The following AMOTL1 variants were observed in gnomAD, a reference collection of about 807,000 sequenced individuals.
The protein encoded by AMOTL1 is angiomotin-like protein 1.
Under a neutral mutation model 102.9 loss-of-function variants are expected in AMOTL1, and 45 were observed. The ratio of observed to expected loss-of-function variants is 0.44; its 90% CI spans 0.34 to 0.56. The LOEUF (loss-of-function observed/expected upper bound fraction) is 0.56. AMOTL1 is among the 20% of genes least tolerant of loss of function. The probability of loss-of-function intolerance (pLI) is 0.01; values close to 1 mark genes in which losing one functional copy is unlikely to be tolerated. For missense variants in AMOTL1, 1,114 were observed against 1,225.6 expected, an observed-to-expected ratio of 0.91 and a Z score of 1.36; for synonymous variants, 481 against 484.7, an observed-to-expected ratio of 0.99 and a Z score of 0.10.
chr11:94,712,647 C>T (rs1950037293), intron 1 of AMOTL1, among the ~76,000 whole-genome samples: 1 of 151,598 alleles, frequency 6.6e-6, no homozygotes, highest in African/African-American at 2.4e-5. Flanking sequence ...ACACAAATAA[C>T]CCCACTATAT....
At chr11:94,796,943 GT>G (rs1355312862) in intron 2 of AMOTL1, 73 of 976,574 alleles carry the variant, frequency 7.5e-5, no homozygotes, top group Non-Finnish European at 8.4e-5. Context: ...CACCACCTTT[GT>G]TTTTTTCTCA....
intron 4 of AMOTL1, 100 bp from the exon 5 acceptor site, chr11:94,829,950 A>G: frequency 8.3e-7 from 1 of 1,201,656 alleles, no homozygotes; most frequent in South Asian, 1.7e-5. Context: ...GACTGCATTG[A>G]AGATACAGCC....
chr11:94,727,114 G>A (rs1478906523), intron 1 of AMOTL1, among the ~76,000 whole-genome samples: 1 of 152,214 alleles, frequency 6.6e-6, no homozygotes, highest in Admixed American at 6.5e-5. Flanking sequence ...CAAGAGAGAT[G>A]GGAATCTTCT....
At chr11:94,813,663 C>T (rs982042133) in intron 3 of AMOTL1, among the ~76,000 whole-genome samples, 7 of 152,148 alleles carry the variant, frequency 4.6e-5, no homozygotes, top group Admixed American at 2.6e-4. Context: ...CACTGAAGTG[C>T]GTGTGAATAT....
At chr11:94,865,413 C>G (rs2135737897) in intron 10 of AMOTL1, among the ~76,000 whole-genome samples, 1 of 152,246 alleles carries the variant, frequency 6.6e-6, no homozygotes, top group African/African-American at 2.4e-5. Context: ...GAAAATAGGG[C>G]TGAGTAGTTG....
Position 94,821,547 on chromosome 11 carries a change from C to T in AMOTL1, c.1139C>T (p.Pro380Leu), listed in dbSNP as rs200516726. 1,685 of 1,613,676 alleles carry T rather than the reference C, an allele frequency of 1.0e-3. 28 individuals are homozygous for T. The highest frequency in any genetic ancestry group is 9.8e-4 in the Admixed American group (59 of 59,998). The change falls in exon 4 of 13, where the codon CCG becomes CTG. Residue 380 changes from proline (P) to leucine (L), a missense_variant. By Grantham distance (98) the Pro-to-Leu change is moderately conservative. Transcript: ENST00000433060. ...CCTTGCAGCCGCCCATGCCAACTTC[C>T]GTTCCCATCAACCATGCAGCAGCAC... ...YGVTSRPCQL[P>L]FPSTMQQHSP...
At chr11:94,779,804 T>C (rs536093238) in intron 1 of AMOTL1, among the ~76,000 whole-genome samples, 1 of 152,312 alleles carries the variant, frequency 6.6e-6, no homozygotes, top group East Asian at 1.9e-4. Flanking sequence ...ATCTGTTGCA[T>C]AGGATACTAA....
chr11:94,802,111 C>A (rs186901992), intron 3 of AMOTL1, among the ~76,000 whole-genome samples: 20 of 152,278 alleles, frequency 1.3e-4, no homozygotes, highest in South Asian at 1.0e-3. Flanking sequence ...AGCAGCATAA[C>A]CAACTGTGAG....
upstream of AMOTL1, among the ~76,000 whole-genome samples, chr11:94,767,067 G>T (rs1336001903): frequency 6.6e-6 from 1 of 152,050 alleles, no homozygotes; most frequent in Non-Finnish European, 1.5e-5. Context: ...TGTAGTCAGT[G>T]CCTCTCTCCG....
chr11:94,809,978 GAAA>G (rs1465583292), intron 3 of AMOTL1, among the ~76,000 whole-genome samples: 8 of 152,168 alleles, frequency 5.3e-5, no homozygotes, highest in African/African-American at 1.9e-4. Flanking sequence ...TAGACACATA[GAAA>G]TAGATCTTAT....
chr11:94,780,612 G>T (rs569540023), intron 1 of AMOTL1, among the ~76,000 whole-genome samples: 2 of 152,136 alleles, frequency 1.3e-5, no homozygotes, highest in East Asian at 3.8e-4. Context: ...TGAACTTTAC[G>T]GGGGTGATTC....
At chr11:94,810,581 T>G (rs185857388) in intron 3 of AMOTL1, among the ~76,000 whole-genome samples, 6 of 151,894 alleles carry the variant, frequency 4.0e-5, no homozygotes, top group Non-Finnish European at 7.4e-5. Flanking sequence ...CAAACTTATC[T>G]GTTTACACTC....
At chr11:94,769,337 A>C (rs534169806) in intron 1 of AMOTL1, among the ~76,000 whole-genome samples, 1 of 152,180 alleles carries the variant, frequency 6.6e-6, no homozygotes, top group African/African-American at 2.4e-5. Context: ...ACGGTGGCCT[A>C]GTGCCGGGAC....
At position 94,865,128 on chromosome 11, in the gene AMOTL1, A is replaced by G. The variant is rs1392351151; in HGVS notation, c.2261+268A>G. The stretch of plus-strand genomic sequence containing the variant: ...AGATGCAGGCTGAGTCTAGTGACAG[A>G]AGAATTTAGATGTCTGTGTTATTTC... On this transcript the variant is annotated intron_variant, in intron 10 of 12. Transcript: ENST00000433060. Among the ~76,000 whole-genome samples, 3 of 152,300 alleles carry G rather than the reference A, an allele frequency of 2.0e-5. No homozygotes were observed. The East Asian group carries it at 5.8e-4, about 29-fold the overall frequency.
At chr11:94,743,365 G>C (rs1256107597) in intron 3 of AMOTL1, among the ~76,000 whole-genome samples, 1 of 152,192 alleles carries the variant, frequency 6.6e-6, no homozygotes, top group East Asian at 1.9e-4. Context: ...GTGTCCCCAA[G>C]GGTTATTCTC....
chr11:94,834,242 T>A (rs1952128409), intron 6 of AMOTL1, among the ~76,000 whole-genome samples: 1 of 151,628 alleles, frequency 6.6e-6, no homozygotes, highest in South Asian at 2.1e-4. Context: ...TTCAAGTGAG[T>A]TTTTTTTGGG....
chr11:94,735,089 T>C (rs1950418310), intron 2 of AMOTL1, among the ~76,000 whole-genome samples: 1 of 152,210 alleles, frequency 6.6e-6, no homozygotes, highest in Non-Finnish European at 1.5e-5. Flanking sequence ...CAAGTAGCTA[T>C]GTAACCCCTG....
chr11:94,857,650 TCTTA>T (rs1227306782), intron 8 of AMOTL1, among the ~76,000 whole-genome samples: 2 of 152,236 alleles, frequency 1.3e-5, no homozygotes, highest in Non-Finnish European at 2.9e-5. Flanking sequence ...AATTTTCGTG[TCTTA>T]CTTCCACAGT....
chr11:94,860,084 A>G (rs1043240924), intron 9 of AMOTL1, among the ~76,000 whole-genome samples: 3 of 152,238 alleles, frequency 2.0e-5, no homozygotes, highest in African/African-American at 7.2e-5. Context: ...AGTACATAAC[A>G]CAGTGGAATA....
Sources: allele counts gnomAD v4.1 joint callset (sites outside exome capture counted in the v4.1 genomes callset), GRCh38; gene constraint gnomAD v4.1.1; transcripts MANE v1.5; gene names NCBI Gene and HGNC (gene_info 2026-07-23, HGNC 2026-07-21).